Variants in NCAM2 observed in about 807,000 individuals in gnomAD.
NCAM2 encodes N-CAM-2.
Under a neutral mutation model 98.1 loss-of-function variants are expected in NCAM2, and 30 were observed. That is an observed-to-expected ratio of 0.31 (90% CI 0.23 to 0.41). The LOEUF (loss-of-function observed/expected upper bound fraction) is 0.41. Ranked by LOEUF, NCAM2 falls within the 10% of genes least tolerant of loss-of-function variation. NCAM2 has a pLI of 1.00. For synonymous variants in NCAM2, 368 were observed against 342.4 expected (o/e 1.07, Z -0.83); for missense variants, 867 against 1,005.8 (o/e 0.86, Z 1.87).
rs1190461085 is a variant in NCAM2, at chr21:21,538,539, AG to A, written c.*583del. Reference sequence around the variant, plus strand: ...GAGAACTCATTTCAAGTTATGATTCAGTGCATTTTCAACATTGATTTTTGAT... The same window carrying A: ...GAGAACTCATTTCAAGTTATGATTCATGCATTTTCAACATTGATTTTTGAT... On this transcript the variant is annotated 3_prime_UTR_variant, in exon 18 of 18. Transcript: ENST00000400546. 1 of 152,582 alleles carries A rather than the reference AG, an allele frequency of 6.6e-6. No homozygotes were observed. The highest frequency in any genetic ancestry group is 2.4e-5 in the African/African-American group (1 of 41,456). 9.5% of individuals were successfully genotyped at this position (152,582 alleles called of 1,614,324 possible). A position where few individuals can be genotyped will look rare whatever the true frequency, so the allele number is the denominator to read the frequency against.
rs541778124 is a variant in NCAM2, at chr21:21,464,576, G to A, written c.1655-2030G>A. Among the ~76,000 whole-genome samples the A allele has an allele frequency of 1.8e-3, 279 of 152,108 alleles. 4 individuals carry two copies. Among genetic ancestry groups the A allele is most frequent in the Non-Finnish European group, 3.4e-3 (229 of 67,974 alleles). On this transcript the variant is annotated intron_variant, in intron 12 of 17. Coordinates refer to ENST00000400546, the MANE Select transcript of NCAM2 (RefSeq NM_004540.5). The stretch of plus-strand genomic sequence containing the variant: ...TAAATGCCTTGATTGTAAACATTGA[G>A]GAAAAGAATGGAACAAAAGGAAGCA...
chr21:21,003,595 A>G (rs1321254433), intron 1 of NCAM2, among the ~76,000 whole-genome samples: 1 of 152,126 alleles, frequency 6.6e-6, no homozygotes, highest in Non-Finnish European at 1.5e-5. Flanking sequence ...TGTCAACCCT[A>G]CTATGCTAGG....
chr21:21,302,406 T>C (rs192320778), intron 5 of NCAM2, among the ~76,000 whole-genome samples: 1 of 152,104 alleles, frequency 6.6e-6, no homozygotes, highest in Non-Finnish European at 1.5e-5. Context: ...TTTGGCCTTG[T>C]TGAAGCTGAA....
chr21:21,300,549 A>G (rs2073675870), intron 5 of NCAM2, among the ~76,000 whole-genome samples: 2 of 151,412 alleles, frequency 1.3e-5, no homozygotes, highest in Non-Finnish European at 2.9e-5. Flanking sequence ...CCTCTTTACA[A>G]TGTACCTTTC....
intron 8 of NCAM2, among the ~76,000 whole-genome samples, chr21:21,348,614 A>G (rs112089004): frequency 6.6e-6 from 1 of 151,782 alleles, no homozygotes. Context: ...TTTATATGGA[A>G]CACAAAAGAC....
rs773521456 is a variant in NCAM2 at position 21,208,362 on chromosome 21, A to G, written c.56-72216A>G. Among the ~76,000 whole-genome samples the G allele has an allele frequency of 5.9e-5, 9 of 152,260 alleles. No individual in the cohort carries two copies. In the South Asian group the frequency reaches 1.0e-3, roughly 18 times the overall value. ...AATGTCTTTAGACTAATAAAATCCA[A>G]TCTGTACTAGGCAGCAGGGGAGGGT... On this transcript the variant is annotated intron_variant, in intron 1 of 17. Coordinates refer to ENST00000400546, the MANE Select transcript of NCAM2 (RefSeq NM_004540.5).
chr21:21,358,842 T>A (rs2075566777), intron 8 of NCAM2, among the ~76,000 whole-genome samples: 1 of 152,036 alleles, frequency 6.6e-6, no homozygotes, highest in African/African-American at 2.4e-5. Flanking sequence ...ATATTACAAA[T>A]TTTTAGATAG....
intron 9 of NCAM2, among the ~76,000 whole-genome samples, chr21:21,392,556 C>T (rs1408448896): frequency 6.6e-6 from 1 of 152,204 alleles, no homozygotes; most frequent in Non-Finnish European, 1.5e-5. Flanking sequence ...AACTAATATA[C>T]ACTGCCACCA....
chr21:21,149,555 C>G (rs937479523), intron 1 of NCAM2, among the ~76,000 whole-genome samples: 1 of 151,962 alleles, frequency 6.6e-6, no homozygotes, highest in African/African-American at 2.4e-5. Flanking sequence ...TCCTAATGCT[C>G]TCCCTCCCCT....
rs774524092 is a variant in NCAM2 at position 21,508,943 on chromosome 21, T to C, written c.2170T>C (p.Phe724Leu). The change falls in exon 16 of 18, where the codon TTC becomes CTC. Residue 724 changes from phenylalanine (F) to leucine (L), a missense_variant. By Grantham distance (22) the Phe-to-Leu change is conservative. Coordinates refer to ENST00000400546, the MANE Select transcript of NCAM2 (RefSeq NM_004540.5). ...TCTTGTGGTAACAGACGTCAGCTGC[T>C]TCTTTATTCGGCAATGTGGGTTGCT... ...LILVVTDVSC[F>L]FIRQCGLLMC... is the part of the protein sequence containing the mutation. 6.2e-7 allele frequency: 1 copy of C among 1,613,112 alleles called. No individual in the cohort carries two copies. The highest frequency in any genetic ancestry group is 1.3e-5 in the African/African-American group (1 of 74,736).
intron 1 of NCAM2, among the ~76,000 whole-genome samples, chr21:21,011,507 C>T (rs1183256052): frequency 1.3e-5 from 2 of 151,920 alleles, no homozygotes; most frequent in South Asian, 2.1e-4. Context: ...GATTTTTTGA[C>T]GTACGTATGT....
intron 1 of NCAM2, among the ~76,000 whole-genome samples, chr21:21,274,224 G>T (rs1473695277): frequency 6.6e-6 from 1 of 151,774 alleles, no homozygotes; most frequent in Admixed American, 6.6e-5. Context: ...TGACCTAATA[G>T]CAGGGACATC....
At chr21:21,308,838 C>A (rs905899595) in intron 5 of NCAM2, among the ~76,000 whole-genome samples, 2 of 151,948 alleles carry the variant, frequency 1.3e-5, no homozygotes, top group Non-Finnish European at 2.9e-5. Context: ...TGATCATTTT[C>A]TTTCCTTTTT....
chr21:21,415,120 T>G (rs1359776684), intron 10 of NCAM2, among the ~76,000 whole-genome samples: 1 of 151,812 alleles, frequency 6.6e-6, no homozygotes. Context: ...TAACGATAAA[T>G]GAATGAACAA....
chr21:21,395,886 C>G (rs1052077142), intron 9 of NCAM2, among the ~76,000 whole-genome samples: 3 of 152,140 alleles, frequency 2.0e-5, no homozygotes, highest in African/African-American at 7.2e-5. Flanking sequence ...AGACTTAAAT[C>G]TAAGTCCTGA....
At chr21:21,319,733 A>G (rs896713556) in intron 5 of NCAM2, among the ~76,000 whole-genome samples, 5 of 152,026 alleles carry the variant, frequency 3.3e-5, no homozygotes, top group Admixed American at 6.6e-5. Context: ...GATCTTGTAC[A>G]TATGATCTAC....
intron 8 of NCAM2, among the ~76,000 whole-genome samples, chr21:21,362,897 C>G (rs1371281094): frequency 6.6e-6 from 1 of 152,024 alleles, no homozygotes; most frequent in Non-Finnish European, 1.5e-5. Flanking sequence ...ATTCAACTTA[C>G]AAAATGAAAA....
chr21:21,159,205 TGTG>T (rs1039025685), intron 1 of NCAM2, among the ~76,000 whole-genome samples: 1 of 152,178 alleles, frequency 6.6e-6, no homozygotes, highest in African/African-American at 2.4e-5. Flanking sequence ...ATAATATGTT[TGTG>T]TTGTAAGCTA....
At chr21:21,257,571 T>C (rs768034917) in intron 1 of NCAM2, among the ~76,000 whole-genome samples, 21 of 152,126 alleles carry the variant, frequency 1.4e-4, no homozygotes, top group Non-Finnish European at 2.8e-4. Context: ...AGAAAGACCA[T>C]GCAATGTTGA....
Sources: allele counts gnomAD v4.1 joint callset (sites outside exome capture counted in the v4.1 genomes callset), GRCh38; gene constraint gnomAD v4.1.1; transcripts MANE v1.5; gene names NCBI Gene and HGNC (gene_info 2026-07-23, HGNC 2026-07-21).